The following RBFOX1 variants were observed in gnomAD, a reference collection of about 807,000 sequenced individuals.
RBFOX1 encodes the protein RNA binding fox-1 homolog 1, also known as RNA binding protein fox-1 homolog 1.
A neutral mutation model predicts 57.7 loss-of-function variants in RBFOX1; 8 were observed. The observed-to-expected ratio is 0.14, with a 90% CI of 0.08 to 0.25. The LOEUF (loss-of-function observed/expected upper bound fraction) is 0.25. RBFOX1 is among the 10% of genes least tolerant of loss of function. The pLI is 1.00. For missense variants in RBFOX1, 611 were observed against 548.5 expected (o/e 1.11, Z -1.14); for synonymous variants, 326 against 222.4 (o/e 1.47, Z -4.15).
intron 4 of RBFOX1, among the ~76,000 whole-genome samples, chr16:7,322,569 C>G (rs1476234784): frequency 6.6e-6 from 1 of 152,198 alleles, no homozygotes; most frequent in Non-Finnish European, 1.5e-5. Flanking sequence ...GTGAATTTCA[C>G]AAGAGCCATC....
intron 3 of RBFOX1, among the ~76,000 whole-genome samples, chr16:7,021,075 C>T (rs995297686): frequency 2.0e-5 from 3 of 152,092 alleles, no homozygotes. Flanking sequence ...CTGCAGTGAG[C>T]CCAGGTCGTG....
chr16:6,422,226 C>A (rs1181378337), intron 2 of RBFOX1, among the ~76,000 whole-genome samples: 1 of 149,460 alleles, frequency 6.7e-6, no homozygotes. Context: ...CCGACCACCT[C>A]TCCTTTTTTT....
intron 2 of RBFOX1, among the ~76,000 whole-genome samples, chr16:5,580,589 C>A (rs2046632230): frequency 6.6e-6 from 1 of 152,174 alleles, no homozygotes; most frequent in African/African-American, 2.4e-5. Flanking sequence ...CTGGTTGTTC[C>A]CTTTGTGAGG....
chr16:6,782,359 C>T (rs997524203), intron 3 of RBFOX1, among the ~76,000 whole-genome samples: 2 of 152,092 alleles, frequency 1.3e-5, no homozygotes, highest in Non-Finnish European at 2.9e-5. Flanking sequence ...TTTCAGTATG[C>T]TGTGTTTCTA....
intron 1 of RBFOX1, among the ~76,000 whole-genome samples, chr16:6,023,994 G>A (rs1230520480): frequency 2.0e-5 from 3 of 152,164 alleles, no homozygotes; most frequent in Non-Finnish European, 2.9e-5. Flanking sequence ...AGTTAGACTC[G>A]GTCGTAGGGC....
intron 4 of RBFOX1, among the ~76,000 whole-genome samples, chr16:7,078,318 T>C (rs980242153): frequency 2.0e-5 from 3 of 152,192 alleles, no homozygotes; most frequent in East Asian, 3.8e-4. Context: ...CTTTGTAAAA[T>C]GGCTTTCTCT....
intron 2 of RBFOX1, among the ~76,000 whole-genome samples, chr16:6,626,787 GAAATA>G (rs56105751): frequency 0.22 from 33,532 of 151,650 alleles, 3,910 homozygotes; most frequent in Admixed American, 0.3. Flanking sequence ...AAATAAAATA[GAAATA>G]AAATAAAGTA....
intron 1 of RBFOX1, among the ~76,000 whole-genome samples, chr16:5,278,969 C>A (rs958041997): frequency 3.9e-5 from 6 of 152,280 alleles, no homozygotes; most frequent in Non-Finnish European, 7.3e-5. Context: ...AATACCAATA[C>A]ACACTGTTTT....
At chr16:6,559,828 T>C (rs1018114995) in intron 2 of RBFOX1, among the ~76,000 whole-genome samples, 2 of 152,132 alleles carry the variant, frequency 1.3e-5, no homozygotes, top group African/African-American at 4.8e-5. Flanking sequence ...CAAACTGAAG[T>C]TGTTCCCTGA....
intron 3 of RBFOX1, among the ~76,000 whole-genome samples, chr16:7,033,473 T>C (rs184151732): frequency 1.3e-5 from 2 of 152,190 alleles, no homozygotes; most frequent in East Asian, 1.9e-4. Flanking sequence ...TGAGCCAAGA[T>C]TGCGCCACTG....
In RBFOX1 at chr16:7,595,582, G is replaced by C; in HGVS notation, c.502G>C (p.Asp168His). 6.4e-7 allele frequency: 1 copy of C among 1,562,034 alleles called. No individual in the cohort carries two copies. The highest frequency in any genetic ancestry group is 8.7e-7 in the Non-Finnish European group (1 of 1,150,774). Residue 168 changes from aspartate to histidine, a missense_variant, in exon 8 of 16, where the codon GAT becomes CAT. Around this residue, in one of 3 missense-constraint regions of RBFOX1, gnomAD observed 99 missense variants for 160.3 expected, o/e 0.62. Transcript: ENST00000550418. ...TTTCGTAACTTTCGAAAATAGTGCC[G>C]ATGCGGACAGGGCGAGGGAGAAATT... ...FGFVTFENSA[D>H]ADRAREKLHG...
chr16:6,564,091 G>T (rs925139400), intron 2 of RBFOX1, among the ~76,000 whole-genome samples: 1 of 151,930 alleles, frequency 6.6e-6, no homozygotes, highest in Admixed American at 6.6e-5. Flanking sequence ...ATCACTTCTG[G>T]ATGTTCTTGT....
intron 4 of RBFOX1, among the ~76,000 whole-genome samples, chr16:7,430,211 C>G (rs1407869056): frequency 1.3e-5 from 2 of 152,202 alleles, no homozygotes; most frequent in Non-Finnish European, 2.9e-5. Flanking sequence ...CCCACAGTAA[C>G]TATTCCAGCC....
chr16:6,648,867 T>C (rs367799651), intron 2 of RBFOX1, among the ~76,000 whole-genome samples: 29 of 152,350 alleles, frequency 1.9e-4, no homozygotes, highest in African/African-American at 6.7e-4. Flanking sequence ...ATATTTATCA[T>C]GTACAACATG....
intron 3 of RBFOX1, among the ~76,000 whole-genome samples, chr16:5,700,367 C>A (rs554449196): frequency 1.3e-5 from 2 of 151,674 alleles, no homozygotes; most frequent in South Asian, 2.1e-4. Flanking sequence ...CTTTGTATTG[C>A]CTTCTCTCTG....
At chr16:7,695,671 A>AAAAT (rs1491081958) in intron 14 of RBFOX1, among the ~76,000 whole-genome samples, 6 of 150,622 alleles carry the variant, frequency 4.0e-5, no homozygotes, top group African/African-American at 1.5e-4. Context: ...AAAAAAAAAA[A>AAAAT]ATCCTGCTGT....
intron 3 of RBFOX1, among the ~76,000 whole-genome samples, chr16:7,051,662 G>A (rs1430410220): frequency 1.3e-5 from 2 of 152,164 alleles, no homozygotes; most frequent in African/African-American, 4.8e-5. Flanking sequence ...GTTTTCCACT[G>A]ACTTATCATG....
intron 1 of RBFOX1, among the ~76,000 whole-genome samples, chr16:5,404,481 G>C (rs1169680750): frequency 6.6e-6 from 1 of 152,182 alleles, no homozygotes; most frequent in Non-Finnish European, 1.5e-5. Context: ...TCTGTGGACT[G>C]CACTTTGTAG....
chr16:7,292,207 CATAT>C (rs566140235), intron 4 of RBFOX1, among the ~76,000 whole-genome samples: 1 of 98,586 alleles, frequency 1.0e-5, no homozygotes, highest in African/African-American at 4.5e-5. Context: ...TATTATATAT[CATAT>C]ATATGATATA....
Sources: allele counts gnomAD v4.1 joint callset (sites outside exome capture counted in the v4.1 genomes callset), GRCh38; gene constraint gnomAD v4.1.1; regional missense constraint gnomAD v4.1.1; transcripts MANE v1.5; gene names NCBI Gene and HGNC (gene_info 2026-07-23, HGNC 2026-07-21).